ENDOD1: variants seen among roughly 807,000 people sequenced by gnomAD.
ENDOD1 encodes the protein endonuclease domain containing 1.
A neutral mutation model predicts 6.5 loss-of-function variants in ENDOD1; 9 were observed. The observed-to-expected ratio is 1.39, with a 90% CI of 0.84 to 2.43. The LOEUF is 2.43. Ranked by LOEUF, ENDOD1 falls within the 30% of genes most tolerant of loss-of-function variation. The pLI, the probability that ENDOD1 is intolerant of heterozygous loss-of-function variation, is 0.00. For synonymous variants in ENDOD1, 255 were observed against 255.2 expected (o/e 1.00, Z 0.01); for missense variants, 648 against 635.5 (o/e 1.02, Z -0.21).
At chr11:95,108,526 CAGACACCCAAA>C (rs140790544) in intron 1 of ENDOD1, among the ~76,000 whole-genome samples, 2 of 141,028 alleles carry the variant, frequency 1.4e-5, no homozygotes, top group African/African-American at 2.5e-5. Context: ...CACACACACA[CAGACACCCAAA>C]AAAAGAAAAA....
At chr11:95,123,753 A>G (rs1859285469) in intron 1 of ENDOD1, among the ~76,000 whole-genome samples, 5 of 152,208 alleles carry the variant, frequency 3.3e-5, no homozygotes, top group Admixed American at 2.6e-4. Context: ...CTTTCCTCAC[A>G]CTGCAAACAC....
At chr11:95,103,934 C>T (rs987120457) in intron 1 of ENDOD1, among the ~76,000 whole-genome samples, 1 of 152,178 alleles carries the variant, frequency 6.6e-6, no homozygotes, top group Non-Finnish European at 1.5e-5. Flanking sequence ...GTGTAATGCT[C>T]CTGTGTCTGT....
At chr11:95,121,638 CAAAA>C (rs966590811) in intron 1 of ENDOD1, among the ~76,000 whole-genome samples, 1 of 152,018 alleles carries the variant, frequency 6.6e-6, no homozygotes, top group African/African-American at 2.4e-5. Flanking sequence ...CTGAAACAAA[CAAAA>C]AAACTACCTA....
At position 95,103,785 on chromosome 11, in the gene ENDOD1, T is replaced by C. The variant is rs1445503121; in HGVS notation, c.300+13558T>C. ...AAATTGTCCCTCTCCTACAGAGGAG[T>C]TAAGATTCAGGGAGACAATGTGTGC... On this transcript the variant is annotated intron_variant, in intron 1 of 1. Coordinates refer to ENST00000278505, the MANE Select transcript of ENDOD1 (RefSeq NM_015036.3). Among the ~76,000 whole-genome samples the C allele has an allele frequency of 2.0e-5, 3 of 152,132 alleles. No individual in the cohort carries two copies. The East Asian group carries it at 5.8e-4, about 29-fold the overall frequency.
intron 1 of ENDOD1, among the ~76,000 whole-genome samples, chr11:95,097,717 T>G (rs1049741455): frequency 6.6e-6 from 1 of 152,220 alleles, no homozygotes; most frequent in Admixed American, 6.5e-5. Context: ...AAGACAGTAG[T>G]ATCTTGGATC....
At position 95,129,402 on chromosome 11, in the gene ENDOD1, G is replaced by T. The variant is rs746108728; in HGVS notation, c.1326G>T (p.Val442=). ...RVLVDVATFP[V]YTMGAIPIVC... Reference sequence around the variant, plus strand: ...TTGTGGATGTGGCCACTTTCCCTGTGTACACCATGGGCGCTATTCCAATTG... The same window carrying T: ...TTGTGGATGTGGCCACTTTCCCTGTTTACACCATGGGCGCTATTCCAATTG... The change falls in exon 2 of 2, where the codon GTG becomes GTT. Residue 442 remains valine (V), a synonymous_variant. Transcript: ENST00000278505. 1.2e-6 allele frequency: 2 copies of T among 1,614,170 alleles called. No homozygotes were observed. The highest frequency in any genetic ancestry group is 2.2e-5 in the South Asian group (2 of 91,088).
At chr11:95,127,420 A>G (rs917966044) in intron 1 of ENDOD1, among the ~76,000 whole-genome samples, 1 of 152,230 alleles carries the variant, frequency 6.6e-6, no homozygotes, top group Non-Finnish European at 1.5e-5. Context: ...GTCATAGCAA[A>G]TATTGGGGAG....
chr11:95,127,766 T>A (rs980008566), intron 1 of ENDOD1, among the ~76,000 whole-genome samples: 4 of 16,672 alleles, frequency 2.4e-4, no homozygotes, highest in Non-Finnish European at 5.0e-4. Context: ...TACAACAGAT[T>A]TTTTTTTTTT....
rs782473706 is a variant in ENDOD1, at chr11:95,090,060, G to A, written c.133G>A (p.Ala45Thr). The A allele has an allele frequency of 5.0e-6, 8 of 1,602,754 alleles. No homozygotes were observed. The highest frequency in any genetic ancestry group is 2.7e-5 in the African/African-American group (2 of 73,744). ...GTTCTTCTACGCCGGGACCCCGCCTGCGGGGCTGGCGGCCGATTCCCACGT... is the reference window on the plus strand; with the variant it reads ...GTTCTTCTACGCCGGGACCCCGCCTACGGGGCTGGCGGCCGATTCCCACGT... ...DKFFYAGTPP[A>T]GLAADSHVKI... Residue 45 changes from alanine to threonine, a missense_variant, in exon 1 of 2, where the codon GCG becomes ACG. Transcript: ENST00000278505.
intron 1 of ENDOD1, among the ~76,000 whole-genome samples, chr11:95,114,739 A>G (rs1859187881): frequency 6.6e-6 from 1 of 152,134 alleles, no homozygotes; most frequent in Non-Finnish European, 1.5e-5. Context: ...GGCCCCATTT[A>G]TTGAAAAGAC....
intron 1 of ENDOD1, among the ~76,000 whole-genome samples, chr11:95,118,587 A>G (rs888273915): frequency 5.5e-4 from 84 of 152,126 alleles, no homozygotes; most frequent in African/African-American, 2.0e-3. Flanking sequence ...TGCTTTTAGG[A>G]TTCTTTCTTT....
intron 1 of ENDOD1, among the ~76,000 whole-genome samples, chr11:95,107,339 GAA>G (rs1178434619): frequency 3.4e-4 from 34 of 101,222 alleles, no homozygotes; most frequent in African/African-American, 1.1e-3. Context: ...GTCTCAAAAA[GAA>G]AAAAAAAAAA....
At chr11:95,099,286 G>A (rs528472267) in intron 1 of ENDOD1, among the ~76,000 whole-genome samples, 2 of 152,242 alleles carry the variant, frequency 1.3e-5, no homozygotes, top group Non-Finnish European at 2.9e-5. Context: ...ATCTCAGTGA[G>A]TAGCGGAGAT....
intron 1 of ENDOD1, among the ~76,000 whole-genome samples, chr11:95,123,113 C>T (rs961691339): frequency 1.5e-4 from 23 of 151,728 alleles, no homozygotes; most frequent in African/African-American, 4.8e-4. Context: ...CGCTTGAACC[C>T]GGTAGGCGGA....
intron 1 of ENDOD1, among the ~76,000 whole-genome samples, chr11:95,093,666 A>G (rs1192009703): frequency 1.3e-5 from 2 of 152,160 alleles, no homozygotes; most frequent in African/African-American, 4.8e-5. Flanking sequence ...GAATAAAATA[A>G]TTTGATGTTG....
intron 1 of ENDOD1, among the ~76,000 whole-genome samples, chr11:95,109,512 A>G (rs1356393608): frequency 6.6e-6 from 1 of 152,256 alleles, no homozygotes; most frequent in Non-Finnish European, 1.5e-5. Context: ...GTCTGGGAAC[A>G]CAGAGATAAT....
At chr11:95,101,835 G>A (rs1859043801) in intron 1 of ENDOD1, among the ~76,000 whole-genome samples, 1 of 151,846 alleles carries the variant, frequency 6.6e-6, no homozygotes, top group South Asian at 2.1e-4. Flanking sequence ...ACATAAATGT[G>A]AACAATTTAT....
At position 95,131,244 on chromosome 11, in the gene ENDOD1, A is replaced by C. The variant is rs1053384304; in HGVS notation, c.*1665A>C. 6.6e-6 allele frequency: 1 copy of C among 152,230 alleles called. No individual in the cohort carries two copies. The highest frequency in any genetic ancestry group is 1.5e-5 in the Non-Finnish European group (1 of 68,064). 9.4% of individuals were successfully genotyped at this position (152,230 alleles called of 1,614,324 possible). A position where few individuals can be genotyped will look rare whatever the true frequency, so the allele number is the denominator to read the frequency against. ...CAGGCTTAGCTAAGAAACTTAAAGC[A>C]GTATTTTACCAACTCTTGTCTTAGG... On this transcript the variant is annotated 3_prime_UTR_variant, in exon 2 of 2. Transcript: ENST00000278505.
chr11:95,119,738 T>C (rs1230825734), intron 1 of ENDOD1, among the ~76,000 whole-genome samples: 1 of 152,226 alleles, frequency 6.6e-6, no homozygotes, highest in Admixed American at 6.5e-5. Flanking sequence ...AGGCTTGTGT[T>C]ATTTCATTCA....
Sources: gnomAD v4.1 joint callset for allele counts (sites outside exome capture counted in the v4.1 genomes callset) on GRCh38, gnomAD v4.1.1 for gene constraint, MANE v1.5 for transcripts, NCBI Gene and HGNC (gene_info 2026-07-23, HGNC 2026-07-21) for gene names.